Variants in SUPT6H observed in about 807,000 individuals in gnomAD.
SUPT6H encodes the protein SPT6 homolog, histone chaperone and transcription elongation factor.
SUPT6H carries 11 observed loss-of-function variants against 222.3 expected under a neutral mutation model. The observed-to-expected ratio is 0.05, with a 90% CI of 0.03 to 0.08. SUPT6H has a LOEUF of 0.08. SUPT6H is among the 10% of genes least tolerant of loss of function. The probability of loss-of-function intolerance (pLI) is 1.00; values close to 1 mark genes in which losing one functional copy is unlikely to be tolerated. For synonymous variants in SUPT6H, 762 were observed against 801.2 expected (o/e 0.95, Z 0.83); for missense variants, 1,422 against 2,216.0 (o/e 0.64, Z 7.19).
intron 28 of SUPT6H, among the ~76,000 whole-genome samples, chr17:28,694,754 C>T (rs1009341249): frequency 1.3e-5 from 2 of 152,202 alleles, no homozygotes; most frequent in Non-Finnish European, 2.9e-5. Context: ...AATCCCAGCA[C>T]TTTGGGAGGC....
rs748329802 is a variant in SUPT6H at position 28,687,321 on chromosome 17, G to C, written c.2856G>C (p.Glu952Asp). 6.2e-7 allele frequency: 1 copy of C among 1,614,160 alleles called. No individual in the cohort carries two copies. The highest frequency in any genetic ancestry group is 1.7e-5 in the Admixed American group (1 of 60,016). Residue 952 changes from glutamate (E) to aspartate (D), a missense_variant, in exon 23 of 37, where the codon GAG (glutamate) becomes GAC (aspartate). Physicochemically the swap from Glu to Asp is conservative, Grantham distance 45. Around this residue, in one of 13 missense-constraint regions of SUPT6H, gnomAD observed 294 missense variants for 382.1 expected, o/e 0.77. Coordinates refer to ENST00000314616, the MANE Select transcript of SUPT6H (RefSeq NM_003170.5). ...GTCCACAGGAGCATGTGGTGAAAGA[G>C]GAGCTGCTCAACGCCTTGTACTGTG... Reference protein sequence around the residue: ...FHPLQEHVVKEELLNALYCEF... With the variant: ...FHPLQEHVVKDELLNALYCEF...
At position 28,700,200 on chromosome 17, in the gene SUPT6H, C is replaced by T. The variant is rs1426703564; in HGVS notation, c.4589C>T (p.Thr1530Ile). Residue 1530 changes from threonine to isoleucine, a missense_variant, in exon 34 of 37, where the codon ACC becomes ATC. By Grantham distance (89) the Thr-to-Ile change is moderately conservative (BLOSUM62 -1). Transcript: ENST00000314616. ...ATCACCCCTAGCAGCAGCAGCAGGA[C>T]CCGGACACCTGCCTCTATCAATGCT... is the stretch of plus-strand genomic sequence containing the variant. ...PGITPSSSSR[T>I]RTPASINATP... 1 of 1,614,206 alleles carries T rather than the reference C, an allele frequency of 6.2e-7. No homozygotes were observed. Among genetic ancestry groups the T allele is most frequent in the Non-Finnish European group, 8.5e-7 (1 of 1,180,028 alleles).
At chr17:28,701,238 C>A in intron 36 of SUPT6H, 110 bp downstream of exon 36, 1 of 1,453,678 alleles carries the variant, frequency 6.9e-7, no homozygotes, top group Non-Finnish European at 9.2e-7. Flanking sequence ...AGGGCCCTGA[C>A]CACATGATAT....
At chr17:28,692,201 G>A (rs1365130229) in intron 27 of SUPT6H, among the ~76,000 whole-genome samples, 6 of 151,608 alleles carry the variant, frequency 4.0e-5, no homozygotes, top group Non-Finnish European at 8.8e-5. Context: ...GTGGGCGCCT[G>A]TAGTCCCAGC....
At chr17:28,663,294 C>CT (rs1388546730) in intron 1 of SUPT6H, among the ~76,000 whole-genome samples, 1 of 152,136 alleles carries the variant, frequency 6.6e-6, no homozygotes, top group Non-Finnish European at 1.5e-5. Flanking sequence ...ATTTAGAGCC[C>CT]TTTTTTACGA....
chr17:28,664,829 CCT>C (rs1427161296), intron 1 of SUPT6H, among the ~76,000 whole-genome samples: 3 of 152,212 alleles, frequency 2.0e-5, no homozygotes, highest in African/African-American at 7.2e-5. Flanking sequence ...CAAAGATAGA[CCT>C]CTGAGAATCA....
chr17:28,699,264 G>T (rs966574047), intron 32 of SUPT6H, among the ~76,000 whole-genome samples: 1 of 152,192 alleles, frequency 6.6e-6, no homozygotes, highest in Non-Finnish European at 1.5e-5. Flanking sequence ...TGGTAACTTG[G>T]TGCAGCGTGT....
chr17:28,687,259 G>A, intron 22 of SUPT6H, 34 bp downstream of exon 22: 7 of 1,614,192 alleles, frequency 4.3e-6, no homozygotes, highest in Non-Finnish European at 5.1e-6. Context: ...CTCGGGTGAA[G>A]GGAAAGGCAG....
chr17:28,666,839 G>A (rs1319517472), intron 1 of SUPT6H, among the ~76,000 whole-genome samples: 2 of 152,150 alleles, frequency 1.3e-5, no homozygotes, highest in African/African-American at 4.8e-5. Context: ...TTATAGGCGT[G>A]AGCCACCGCG....
chr17:28,685,684 G>A lies in SUPT6H; in HGVS notation c.2488-655G>A, dbSNP rs2031346917. 3.3e-5 allele frequency among the ~76,000 whole-genome samples: 5 copies of A among 152,168 alleles called. No individual in the cohort carries two copies. The South Asian group carries it at 6.2e-4, about 19-fold the overall frequency. On this transcript the variant is annotated intron_variant, in intron 19 of 36. Transcript: ENST00000314616. ...TTTTTTGTAGAGACACGGTTTCACCGTGTTGCCTAGGCAGGTGTCAAACTC... is the reference window on the plus strand; with the variant it reads ...TTTTTTGTAGAGACACGGTTTCACCATGTTGCCTAGGCAGGTGTCAAACTC...
intron 29 of SUPT6H, among the ~76,000 whole-genome samples, chr17:28,695,877 A>G (rs1305228278): frequency 2.0e-5 from 3 of 152,188 alleles, no homozygotes; most frequent in Non-Finnish European, 4.4e-5. Context: ...TGGGTCAGAA[A>G]TTAAGCCCAA....
In SUPT6H at chr17:28,687,397, G is replaced by T; in HGVS notation, c.2932G>T (p.Ala978Ser). Reference sequence around the variant, plus strand: ...CGGGGTCGATGTCAACCGTGCCATTGCCCACCCTTACAGCCAGGCCTTGAT... The same window carrying T: ...CGGGGTCGATGTCAACCGTGCCATTTCCCACCCTTACAGCCAGGCCTTGAT... The part of the protein sequence containing the change: ...EVGVDVNRAI[A>S]HPYSQALIQY... Residue 978 changes from alanine (A) to serine (S), a missense_variant, in exon 23 of 37, where the codon GCC becomes TCC. Physicochemically the swap from Ala to Ser is moderately conservative, Grantham distance 99. Around this residue, in one of 13 missense-constraint regions of SUPT6H, gnomAD observed 294 missense variants for 382.1 expected, o/e 0.77. Transcript: ENST00000314616. The T allele has an allele frequency of 6.2e-7, 1 of 1,614,146 alleles. No homozygotes were observed. The highest frequency in any genetic ancestry group is 8.5e-7 in the Non-Finnish European group (1 of 1,180,034).
chr17:28,689,110 A>C, intron 24 of SUPT6H: 1 of 456,666 alleles, frequency 2.2e-6, no homozygotes, highest in Non-Finnish European at 3.9e-6. Context: ...CTACCCATTT[A>C]CTACAAAAAT....
chr17:28,663,111 A>G (rs1482118507), intron 1 of SUPT6H, among the ~76,000 whole-genome samples: 1 of 152,244 alleles, frequency 6.6e-6, no homozygotes, highest in Non-Finnish European at 1.5e-5. Flanking sequence ...ATCAAAAGTA[A>G]CAAGGGTGTA....
Position 28,676,281 on chromosome 17 carries a change from G to A in SUPT6H, c.748G>A (p.Glu250Lys). ...GTATGAGGATGATGAGGCTGAGGGT[G>A]AAATCCGAGTGCGCCCCAAGAAGAC... ...YEYEDDEAEG[E>K]IRVRPKKTTK... is the part of the protein sequence containing the mutation. Residue 250 changes from glutamate to lysine, a missense_variant, in exon 7 of 37, where the codon GAA (glutamate) becomes AAA (lysine). Physicochemically the swap from Glu to Lys is moderately conservative, Grantham distance 56. Coordinates refer to ENST00000314616, the MANE Select transcript of SUPT6H (RefSeq NM_003170.5). 1 of 1,614,012 alleles carries A rather than the reference G, an allele frequency of 6.2e-7. No individual in the cohort carries two copies. The highest frequency in any genetic ancestry group is 8.5e-7 in the Non-Finnish European group (1 of 1,179,986).
chr17:28,682,704 C>T, intron 13 of SUPT6H, 23 bp from the exon 14 acceptor site: 2 of 1,612,744 alleles, frequency 1.2e-6, no homozygotes, highest in Non-Finnish European at 1.7e-6. Context: ...CTGCCTTACC[C>T]TTCACTCTTC....
At chr17:28,665,960 A>G (rs893446693) in intron 1 of SUPT6H, among the ~76,000 whole-genome samples, 1 of 152,168 alleles carries the variant, frequency 6.6e-6, no homozygotes, top group African/African-American at 2.4e-5. Context: ...GATTAAGTTC[A>G]GTTCTACATT....
chr17:28,697,064 T>C lies in SUPT6H; in HGVS notation c.4191T>C (p.Thr1397=). The C allele has an allele frequency of 1.2e-6, 2 of 1,614,024 alleles. No homozygotes were observed. Among genetic ancestry groups the C allele is most frequent in the South Asian group, 2.2e-5 (2 of 91,054 alleles). The change falls in exon 30 of 37, where the codon ACT becomes ACC. Residue 1397 remains threonine (T), a synonymous_variant. Coordinates refer to ENST00000314616, the MANE Select transcript of SUPT6H (RefSeq NM_003170.5). ...AAAATGCCTTCAGCCTGGGAGCCAC[T>C]CTGTGGATCAACAGTGAGGTGAGAG... ...GKENAFSLGA[T]LWINSEEFED...
chr17:28,682,241 T>G, intron 13 of SUPT6H: 1 of 421,682 alleles, frequency 2.4e-6, no homozygotes, highest in Non-Finnish European at 4.3e-6. Context: ...TGTCTGTTTC[T>G]TCTGCCTTAT....
Sources: gnomAD v4.1 joint callset for allele counts (sites outside exome capture counted in the v4.1 genomes callset) on GRCh38, gnomAD v4.1.1 for gene constraint, gnomAD v4.1.1 regional missense constraint, MANE v1.5 for transcripts, NCBI Gene and HGNC (gene_info 2026-07-23, HGNC 2026-07-21) for gene names.